Variants in UBXN4 observed in about 807,000 individuals in gnomAD.
UBXN4 encodes the protein UBX domain protein 4, also known as UBX domain-containing protein 4.
Under a neutral mutation model 66.2 loss-of-function variants are expected in UBXN4, and 35 were observed. That is an observed-to-expected ratio of 0.53 (90% CI 0.40 to 0.70). The LOEUF (loss-of-function observed/expected upper bound fraction) is 0.70. Ranked by LOEUF, UBXN4 falls within the 30% of genes least tolerant of loss-of-function variation. The pLI is 0.00. For missense variants in UBXN4, 533 were observed against 599.8 expected, an observed-to-expected ratio of 0.89 and a Z score of 1.16; for synonymous variants, 203 against 204.5, an observed-to-expected ratio of 0.99 and a Z score of 0.06.
chr2:135,753,587 T>C lies in UBXN4; in HGVS notation c.214+20T>C, dbSNP rs1463949402. 1 of 1,520,868 alleles carries C rather than the reference T, an allele frequency of 6.6e-7. No individual in the cohort carries two copies. Among genetic ancestry groups the C allele is most frequent in the East Asian group, 2.5e-5 (1 of 40,390 alleles). 94.2% of individuals were successfully genotyped at this position (1,520,868 alleles called of 1,614,324 possible). On this transcript the variant is annotated intron_variant, in intron 3 of 12. Coordinates refer to ENST00000272638, the MANE Select transcript of UBXN4 (RefSeq NM_014607.4). ...AAATCTGTATCCTTTCAGTAAAGAATGGCTTATATATATACATTTATTTAC... is the reference window on the plus strand; with the variant it reads ...AAATCTGTATCCTTTCAGTAAAGAACGGCTTATATATATACATTTATTTAC...
In UBXN4 at chr2:135,772,350, A is replaced by G. The variant is rs2077388172; in HGVS notation, c.823-70A>G. 1.9e-6 allele frequency: 3 copies of G among 1,557,450 alleles called. No individual in the cohort carries two copies. The South Asian group carries it at 3.5e-5, about 18-fold the overall frequency. ...AATAAAAAAAAAAAATTCCATGCATATTTGTTTGGAATTGTGTGAATTAAC... is the reference window on the plus strand; with the variant it reads ...AATAAAAAAAAAAAATTCCATGCATGTTTGTTTGGAATTGTGTGAATTAAC... On this transcript the variant is annotated intron_variant, in intron 8 of 12. Coordinates refer to ENST00000272638, the MANE Select transcript of UBXN4 (RefSeq NM_014607.4).
chr2:135,741,890 AG>A lies in UBXN4; in HGVS notation c.-39del. ...GGCGGAGCCGGCTTCGGGACTGCGGAGACTACACACCGAGCGAGCGCCTGGG... is the reference window on the plus strand; with the variant it reads ...GGCGGAGCCGGCTTCGGGACTGCGGAACTACACACCGAGCGAGCGCCTGGG... On this transcript the variant is annotated 5_prime_UTR_variant, in exon 1 of 13. Coordinates refer to ENST00000272638, the MANE Select transcript of UBXN4 (RefSeq NM_014607.4). The A allele has an allele frequency of 1.3e-6, 2 of 1,589,866 alleles. No homozygotes were observed. Among genetic ancestry groups the A allele is most frequent in the Non-Finnish European group, 1.7e-6 (2 of 1,168,592 alleles).
chr2:135,769,521 C>G (rs1459099470), intron 6 of UBXN4, among the ~76,000 whole-genome samples: 1 of 150,658 alleles, frequency 6.6e-6, no homozygotes, highest in South Asian at 2.1e-4. Flanking sequence ...TCAGGTAAAT[C>G]AGAAAAAAAG....
At chr2:135,773,411 G>T (rs2077395167) in intron 9 of UBXN4, among the ~76,000 whole-genome samples, 1 of 152,308 alleles carries the variant, frequency 6.6e-6, no homozygotes, top group Middle Eastern at 3.4e-3. Flanking sequence ...CCAGACAGAA[G>T]AGATTAACCT....
intron 10 of UBXN4, among the ~76,000 whole-genome samples, chr2:135,776,678 C>G (rs555162757): frequency 1.2e-4 from 18 of 152,182 alleles, no homozygotes; most frequent in Non-Finnish European, 2.5e-4. Context: ...CCTGCAGCCT[C>G]GACCTCCTGG....
At chr2:135,750,874 G>T (rs1218512168) in intron 2 of UBXN4, among the ~76,000 whole-genome samples, 1 of 60,818 alleles carries the variant, frequency 1.6e-5, no homozygotes, top group Admixed American at 2.2e-4. Flanking sequence ...TTTTTTTTTT[G>T]AGACGGAGTC....
chr2:135,770,763 G>T, intron 8 of UBXN4, 28 bp downstream of exon 8: 1 of 1,455,192 alleles, frequency 6.9e-7, no homozygotes, highest in South Asian at 1.6e-5. Context: ...AGACATTCGT[G>T]AAACTGTTTT....
intron 1 of UBXN4, among the ~76,000 whole-genome samples, chr2:135,745,875 C>CTTTTTTTTTTT (rs59946844): frequency 0.027 from 2,004 of 74,386 alleles, 382 homozygotes; most frequent in East Asian, 0.14. Context: ...GTCCCGTTTA[C>CTTTTTTTTTTT]TTTTTTTTTT....
chr2:135,779,096 G>A lies in UBXN4; in HGVS notation c.1185+17G>A, dbSNP rs377750887. The A allele has an allele frequency of 3.0e-5, 47 of 1,554,172 alleles. No homozygotes were observed. Among genetic ancestry groups the A allele is most frequent in the Non-Finnish European group, 3.8e-5 (44 of 1,153,812 alleles). On this transcript the variant is annotated intron_variant, in intron 11 of 12. Coordinates refer to ENST00000272638, the MANE Select transcript of UBXN4 (RefSeq NM_014607.4). Reference sequence around the variant, plus strand: ...CTGTTGCCAGTATGTATATACAGATGCATTTTTTTCTCTTCTTATTGTTTT... The same window carrying A: ...CTGTTGCCAGTATGTATATACAGATACATTTTTTTCTCTTCTTATTGTTTT...
intron 8 of UBXN4, among the ~76,000 whole-genome samples, chr2:135,771,328 T>C (rs1230202794): frequency 6.6e-6 from 1 of 151,796 alleles, no homozygotes; most frequent in East Asian, 1.9e-4. Context: ...AATACAAAAA[T>C]TAATCGGGTG....
chr2:135,746,519 A>G (rs1329518296), intron 1 of UBXN4, among the ~76,000 whole-genome samples: 16 of 152,196 alleles, frequency 1.1e-4, no homozygotes. Context: ...ATGTCTCAAG[A>G]GTGTAATTTT....
chr2:135,765,410 C>T (rs1334913150), intron 6 of UBXN4, among the ~76,000 whole-genome samples: 2 of 151,902 alleles, frequency 1.3e-5, no homozygotes, highest in Non-Finnish European at 2.9e-5. Flanking sequence ...GGGGTTTCAC[C>T]ATGTTGGTCA....
intron 8 of UBXN4, 101 bp from the exon 9 acceptor site, chr2:135,772,319 T>A: frequency 7.1e-7 from 1 of 1,410,120 alleles, no homozygotes; most frequent in South Asian, 1.3e-5. Context: ...CAAGACCCTG[T>A]CTCTTAATAA....
chr2:135,780,512 A>G (rs999053645), intron 12 of UBXN4, 127 bp downstream of exon 12: 15 of 801,890 alleles, frequency 1.9e-5, no homozygotes, highest in Admixed American at 1.5e-4. Flanking sequence ...GAGGAGAAAA[A>G]CTCCGATGCT....
intron 9 of UBXN4, among the ~76,000 whole-genome samples, chr2:135,774,246 A>G (rs935232221): frequency 5.3e-5 from 8 of 152,206 alleles, no homozygotes; most frequent in Admixed American, 2.0e-4. Flanking sequence ...TACCAAGACT[A>G]TTCAGTGGGA....
At chr2:135,780,517 G>C in intron 12 of UBXN4, 132 bp downstream of exon 12, 1 of 805,738 alleles carries the variant, frequency 1.2e-6, no homozygotes, top group Non-Finnish European at 2.0e-6. Flanking sequence ...GAAAAACTCC[G>C]ATGCTCTGAA....
intron 12 of UBXN4, among the ~76,000 whole-genome samples, chr2:135,780,618 T>C (rs1326654749): frequency 6.6e-6 from 1 of 152,218 alleles, no homozygotes; most frequent in Non-Finnish European, 1.5e-5. Context: ...CAGCTTCACC[T>C]CTACTGGTTT....
rs758538757 is a variant in UBXN4 at position 135,748,260 on chromosome 2, T to A, written c.83-7T>A. 6.4e-7 allele frequency: 1 copy of A among 1,553,650 alleles called. No homozygotes were observed. Among genetic ancestry groups the A allele is most frequent in the Non-Finnish European group, 8.7e-7 (1 of 1,154,004 alleles). On this transcript the variant is annotated splice_region_variant and splice_polypyrimidine_tract_variant and intron_variant, in intron 1 of 12. Coordinates refer to ENST00000272638, the MANE Select transcript of UBXN4 (RefSeq NM_014607.4). ...CCTGGTATAAGAATTTTTGAAATGTTTTACAGGTGATGATGAACAGTCTAC... is the reference window on the plus strand; with the variant it reads ...CCTGGTATAAGAATTTTTGAAATGTATTACAGGTGATGATGAACAGTCTAC...
intron 2 of UBXN4, among the ~76,000 whole-genome samples, chr2:135,748,893 G>T (rs1320755853): frequency 6.6e-6 from 1 of 151,656 alleles, no homozygotes; most frequent in Non-Finnish European, 1.5e-5. Flanking sequence ...AAAATTAGCC[G>T]GGTGTGGTGG....
Sources: allele counts gnomAD v4.1 joint callset (sites outside exome capture counted in the v4.1 genomes callset), GRCh38; gene constraint gnomAD v4.1.1; transcripts MANE v1.5; gene names NCBI Gene and HGNC (gene_info 2026-07-23, HGNC 2026-07-21).